The following RTEL1 variants were observed in gnomAD, a reference collection of about 807,000 sequenced individuals.
RTEL1 encodes the protein regulator of telomere elongation helicase 1.
In RTEL1, 86 loss-of-function variants were observed where a neutral mutation model predicts 162.2. The ratio of observed to expected loss-of-function variants is 0.53; its 90% CI spans 0.45 to 0.63. RTEL1 has a LOEUF of 0.63. Ranked by LOEUF, RTEL1 falls within the 30% of genes least tolerant of loss-of-function variation. The probability of loss-of-function intolerance (pLI) is 0.00; values close to 1 mark genes in which losing one functional copy is unlikely to be tolerated. For missense variants in RTEL1, 1,941 were observed against 1,750.2 expected (o/e 1.11, Z -1.95); for synonymous variants, 958 against 717.9 (o/e 1.33, Z -5.35).
At position 63,668,991 on chromosome 20, in the gene RTEL1, G is replaced by GT. The variant is rs1234934974; in HGVS notation, c.699+1448dup. On this transcript the variant is annotated intron_variant, in intron 8 of 34. Transcript: ENST00000360203. This position sits in a 1 kb window ranked among gnomAD's most constrained non-coding sequence, Gnocchi z 4.3. ...GCTGACCCACACGCATGTGGTCATT[G>GT]TTTTTTTTTTCAGTTGGAATCTCAC... Among the ~76,000 whole-genome samples the GT allele has an allele frequency of 6.8e-4, 101 of 149,324 alleles. No individual in the cohort carries two copies. Among genetic ancestry groups the GT allele is most frequent in the Admixed American group, 3.7e-3 (55 of 14,940 alleles).
Position 63,695,004 on chromosome 20 carries a change from G to A in RTEL1, c.3343+30G>A, listed in dbSNP as rs765673886. On this transcript the variant is annotated intron_variant, in intron 32 of 34. Transcript: ENST00000360203. Reference sequence around the variant, plus strand: ...GTGGCCCTGGCGTGGGGAACAGCCGGTGGGGTGGGGGGCAGGGGACAAAAT... The same window carrying A: ...GTGGCCCTGGCGTGGGGAACAGCCGATGGGGTGGGGGGCAGGGGACAAAAT... 8 of 1,610,778 alleles carry A rather than the reference G, an allele frequency of 5.0e-6. No individual in the cohort carries two copies. The East Asian group carries it at 1.1e-4, about 22-fold the overall frequency.
chr20:63,694,459 C>T lies in RTEL1; in HGVS notation c.3080C>T (p.Pro1027Leu), dbSNP rs141782041. Residue 1027 changes from proline to leucine, a missense_variant, in exon 31 of 35, where the codon CCC becomes CTC. Coordinates refer to ENST00000360203, the MANE Select transcript of RTEL1 (RefSeq NM_001283009.2). ...CAAGAGCACCTGAACCAGGGCAGGC[C>T]CCACCTGTCGCCCAGGCCACCCCCA... ...DPQEHLNQGR[P>L]HLSPRPPPTG... is the part of the protein sequence containing the mutation. 76 of 1,605,872 alleles carry T rather than the reference C, an allele frequency of 4.7e-5. No individual in the cohort carries two copies. In the African/African-American group the frequency reaches 9.7e-4, roughly 21 times the overall value.
In RTEL1 at chr20:63,694,805, C is replaced by A. The variant is rs146247083; in HGVS notation, c.3174C>A (p.His1058Gln). Residue 1058 changes from histidine (H) to glutamine (Q), a missense_variant, in exon 32 of 35, where the codon CAC becomes CAA. Coordinates refer to ENST00000360203, the MANE Select transcript of RTEL1 (RefSeq NM_001283009.2). Reference protein sequence around the residue: ...GVPRAGKQGQHAVSAYLADAR... With the variant: ...GVPRAGKQGQQAVSAYLADAR... ...CCAGAGCAGGGAAGCAGGGCCAGCA[C>A]GCCGTGAGCGCCTACCTGGCTGATG... 1 of 1,612,362 alleles carries A rather than the reference C, an allele frequency of 6.2e-7. No homozygotes were observed. Among genetic ancestry groups the A allele is most frequent in the Admixed American group, 1.7e-5 (1 of 59,990 alleles).
In RTEL1 at chr20:63,661,305, A is replaced by G; in HGVS notation, c.110A>G (p.Asn37Ser). 1.2e-6 allele frequency: 2 copies of G among 1,612,044 alleles called. No homozygotes were observed. Among genetic ancestry groups the G allele is most frequent in the Non-Finnish European group, 1.7e-6 (2 of 1,179,932 alleles). ...GCTCCGAACTCCGTTCAGAAGGTGA[A>G]TGGCATCCTGGAGAGCCCTACGGGT... Reference protein sequence around the residue: ...KVLECLQQKVNGILESPTGTG... With the variant: ...KVLECLQQKVSGILESPTGTG... The change falls in exon 3 of 35, where the codon AAT (asparagine) becomes AGT (serine). Residue 37 changes from asparagine to serine, a missense_variant. Physicochemically the swap from Asn to Ser is conservative, Grantham distance 46 (BLOSUM62 1). Transcript: ENST00000360203. The surrounding 1 kb of genome is among the most constrained non-coding windows in gnomAD (Gnocchi z 5.1).
At position 63,672,453 on chromosome 20, in the gene RTEL1, C is replaced by T. The variant is rs1261786137; in HGVS notation, c.700-103C>T. The T allele has an allele frequency of 1.3e-5, 12 of 938,650 alleles. No individual in the cohort carries two copies. The East Asian group carries it at 2.4e-4, about 19-fold the overall frequency. The allele number at this position is 938,650 out of a possible 1,614,324, so 58.1% of individuals were successfully genotyped here. A position where few individuals can be genotyped will look rare whatever the true frequency, so the allele number is the denominator to read the frequency against. On this transcript the variant is annotated intron_variant, in intron 8 of 34. Coordinates refer to ENST00000360203, the MANE Select transcript of RTEL1 (RefSeq NM_001283009.2). ...TCTCGACATCGCCGGCGCTGTTGCT[C>T]ATCTGCGCTTGTGATGTTCGATGCC...
intron 5 of RTEL1, 85 bp downstream of exon 5, chr20:63,662,712 G>T: frequency 6.2e-7 from 1 of 1,602,916 alleles, no homozygotes; most frequent in Non-Finnish European, 8.5e-7. Flanking sequence ...CGCTCCCGCT[G>T]GGCTAGGGTT....
intron 30 of RTEL1, among the ~76,000 whole-genome samples, 185 bp downstream of exon 30, chr20:63,693,468 TCCACCTCCACCTCCAC>T (rs2090838256): frequency 4.1e-4 from 4 of 9,758 alleles, no homozygotes; most frequent in Admixed American, 2.8e-3. Context: ...CACCTCCACC[TCCACCTCCACCTCCAC>T]CACCACCTCC....
intron 28 of RTEL1, chr20:63,692,316 G>A (rs2090766935): frequency 8.8e-6 from 2 of 227,010 alleles, no homozygotes; most frequent in South Asian, 1.3e-4. Context: ...GGTGGCTGCT[G>A]AGGGGCCTGG....
rs1053360983 is a variant in RTEL1 at position 63,658,479 on chromosome 20, G to A, written c.-171+13G>A. On this transcript the variant is annotated intron_variant, in intron 1 of 34. Transcript: ENST00000360203. ...AGACAAGTGAGCAGTGAGTCGCAGTGACCCTACAAGTGGTTCTTTTACCCG... is the reference window on the plus strand; with the variant it reads ...AGACAAGTGAGCAGTGAGTCGCAGTAACCCTACAAGTGGTTCTTTTACCCG... The A allele has an allele frequency of 6.6e-6, 1 of 152,402 alleles. No individual in the cohort carries two copies. The highest frequency in any genetic ancestry group is 2.4e-5 in the African/African-American group (1 of 41,478). 9.4% of individuals were successfully genotyped at this position (152,402 alleles called of 1,614,324 possible). A position where few individuals can be genotyped will look rare whatever the true frequency, so the allele number is the denominator to read the frequency against.
intron 16 of RTEL1, chr20:63,686,190 A>G: frequency 2.2e-6 from 1 of 446,362 alleles, no homozygotes; most frequent in East Asian, 4.4e-5. Context: ...CAGAGCCTCC[A>G]CAGTGAGGCA....
rs7273977 is a variant in RTEL1 at position 63,666,203 on chromosome 20, C to T, written c.614+124C>T. The T allele has an allele frequency of 5.7e-3, 4,393 of 764,974 alleles. 170 individuals are homozygous for T. The African/African-American group carries it at 0.069, about 12-fold the overall frequency. 47.4% of individuals were successfully genotyped at this position (764,974 alleles called of 1,614,324 possible). On this transcript the variant is annotated intron_variant, in intron 7 of 34. Transcript: ENST00000360203. ...CCTTTTTAAATTATGAAACTAACCA[C>T]CATTCAGTACGAAAAAGTTTAAGCA...
chr20:63,691,927 T>C (rs2090756280), intron 28 of RTEL1, 90 bp downstream of exon 28: 2 of 1,000,002 alleles, frequency 2.0e-6, no homozygotes, highest in South Asian at 1.4e-5. Context: ...CTGGTCCCGA[T>C]GGGACCAGGG....
intron 14 of RTEL1, chr20:63,681,149 T>C: frequency 1.0e-6 from 1 of 985,122 alleles, no homozygotes; most frequent in Non-Finnish European, 1.2e-6. Flanking sequence ...CCGGCAGGGG[T>C]GTCCCTGGGA....
Position 63,668,755 on chromosome 20 carries a change from C to T in RTEL1, c.699+1202C>T, listed in dbSNP as rs966130820. ...AGCTTCTAACCCAACCAGGCCCCTCCCTGGGACAGTTATATCACAGCTGGT... is the reference window on the plus strand; with the variant it reads ...AGCTTCTAACCCAACCAGGCCCCTCTCTGGGACAGTTATATCACAGCTGGT... On this transcript the variant is annotated intron_variant, in intron 8 of 34. Transcript: ENST00000360203. The surrounding 1 kb of genome is among the most constrained non-coding windows in gnomAD (Gnocchi z 4.3). Among the ~76,000 whole-genome samples, 2 of 152,162 alleles carry T rather than the reference C, an allele frequency of 1.3e-5. No individual in the cohort carries two copies. Among genetic ancestry groups the T allele is most frequent in the Non-Finnish European group, 2.9e-5 (2 of 68,030 alleles).
chr20:63,694,872 G>A lies in RTEL1; in HGVS notation c.3241G>A (p.Ala1081Thr). The A allele has an allele frequency of 2.5e-6, 4 of 1,612,672 alleles. No individual in the cohort carries two copies. Among genetic ancestry groups the A allele is most frequent in the Non-Finnish European group, 3.4e-6 (4 of 1,179,870 alleles). Residue 1081 changes from alanine to threonine, a missense_variant, in exon 32 of 35, where the codon GCA (alanine) becomes ACA (threonine). Transcript: ENST00000360203. ...LGSAGCSQLLAALTAYKQDDD... is the reference protein window; with the variant it reads ...LGSAGCSQLLTALTAYKQDDD... ...GTCCGCGGGCTGTAGCCAACTCTTG[G>A]CAGCGCTGACAGCCTATAAGCAAGA... is the stretch of plus-strand genomic sequence containing the variant.
intron 6 of RTEL1, among the ~76,000 whole-genome samples, chr20:63,664,657 C>T (rs1234861259): frequency 2.6e-5 from 4 of 152,364 alleles, no homozygotes; most frequent in Middle Eastern, 3.4e-3. Context: ...AGCCGTGAAC[C>T]TTCGCACCCT....
chr20:63,693,856 G>C (rs917163882), intron 30 of RTEL1, among the ~76,000 whole-genome samples: 1 of 147,120 alleles, frequency 6.8e-6, no homozygotes, highest in African/African-American at 2.5e-5. Flanking sequence ...GCACAGCCCT[G>C]TCCAACTGCC....
Position 63,674,097 on chromosome 20 carries a change from C to T in RTEL1, c.919+4C>T, listed in dbSNP as rs201077722. 16 of 1,592,146 alleles carry T rather than the reference C, an allele frequency of 1.0e-5. No individual in the cohort carries two copies. The African/African-American group carries it at 1.6e-4, about 16-fold the overall frequency. On this transcript the variant is annotated splice_donor_region_variant and intron_variant, in intron 10 of 34. Transcript: ENST00000360203. ...AGCGCGGACTCCCCCAGCCCAGGTG[C>T]GTTCATAGCCAGACTGCTTGGTCCT...
chr20:63,690,605 G>T (rs2090714120), intron 26 of RTEL1, among the ~76,000 whole-genome samples, 164 bp downstream of exon 26: 1 of 152,096 alleles, frequency 6.6e-6, no homozygotes. Context: ...GCCCCCACGG[G>T]CTGCAACCCT....
Sources: allele counts gnomAD v4.1 joint callset (sites outside exome capture counted in the v4.1 genomes callset), GRCh38; gene constraint gnomAD v4.1.1; non-coding constraint Gnocchi (gnomAD v3.1); transcripts MANE v1.5; gene names NCBI Gene and HGNC (gene_info 2026-07-23, HGNC 2026-07-21).